The following PTPRT variants were observed in gnomAD, a reference collection of about 807,000 sequenced individuals.
The protein encoded by PTPRT is receptor-type tyrosine-protein phosphatase T.
PTPRT carries 56 observed loss-of-function variants against 176.8 expected under a neutral mutation model. The observed-to-expected ratio is 0.32, with a 90% confidence interval of 0.26 to 0.40. The LOEUF (loss-of-function observed/expected upper bound fraction) is 0.40. PTPRT is among the 10% of genes least tolerant of loss of function. The pLI is 1.00. For missense variants in PTPRT, 1,540 were observed against 1,908.2 expected, an observed-to-expected ratio of 0.81 and a Z score of 3.60; for synonymous variants, 783 against 739.0, an observed-to-expected ratio of 1.06 and a Z score of -0.96.
intron 6 of PTPRT, among the ~76,000 whole-genome samples, chr20:42,712,559 A>G (rs2076160567): frequency 1.3e-5 from 2 of 152,224 alleles, no homozygotes; most frequent in South Asian, 4.1e-4. Context: ...ACAGACTATC[A>G]GCGTGACCTT....
At chr20:42,936,476 T>C (rs375042232) in intron 1 of PTPRT, among the ~76,000 whole-genome samples, 22 of 152,106 alleles carry the variant, frequency 1.4e-4, no homozygotes, top group African/African-American at 5.3e-4. Flanking sequence ...TGTAAGGACT[T>C]TGTTTTTTAT....
chr20:43,011,844 G>A (rs1206202073), intron 1 of PTPRT, among the ~76,000 whole-genome samples: 2 of 152,206 alleles, frequency 1.3e-5, no homozygotes, highest in Admixed American at 1.3e-4. Context: ...GCTGCCATGT[G>A]ACTGGAAGAA....
At chr20:42,394,150 CT>C (rs1324191742) in intron 9 of PTPRT, among the ~76,000 whole-genome samples, 3 of 151,670 alleles carry the variant, frequency 2.0e-5, no homozygotes, top group South Asian at 2.1e-4. Context: ...ATATCCATCT[CT>C]CTCCCCGGCC....
At chr20:43,185,863 C>A (rs1375342262) in intron 1 of PTPRT, among the ~76,000 whole-genome samples, 10 of 152,026 alleles carry the variant, frequency 6.6e-5, no homozygotes, top group African/African-American at 2.4e-4. Flanking sequence ...ACCCAGGAGG[C>A]AGAGGTTGCG....
At chr20:42,568,074 A>G (rs530240062) in intron 7 of PTPRT, among the ~76,000 whole-genome samples, 1 of 151,954 alleles carries the variant, frequency 6.6e-6, no homozygotes, top group Non-Finnish European at 1.5e-5. Flanking sequence ...GGTTCAAGCA[A>G]TTCCCTGCCT....
chr20:42,540,372 C>T (rs1326792000), intron 7 of PTPRT, among the ~76,000 whole-genome samples: 1 of 151,886 alleles, frequency 6.6e-6, no homozygotes, highest in Non-Finnish European at 1.5e-5. Context: ...AAAGAAAGTG[C>T]ACCTCCAAGA....
Position 42,308,574 on chromosome 20 carries a change from G to A in PTPRT, c.2139+7149C>T, listed in dbSNP as rs1017937352. Among the ~76,000 whole-genome samples the A allele has an allele frequency of 2.2e-4, 33 of 152,228 alleles. 1 individual carries two copies. Among genetic ancestry groups the A allele is most frequent in the African/African-American group, 7.2e-4 (30 of 41,546 alleles). On this transcript the variant is annotated intron_variant, in intron 12 of 30. Transcript: ENST00000373187. ...CAGCCAAAAGAAAAAAGAACAAATA[G>A]TCCAACTGTAATGCGATAAGATACT...
intron 7 of PTPRT, 64 bp from the exon 8 acceptor site, chr20:42,472,626 T>G (rs922647261): frequency 1.3e-6 from 2 of 1,529,132 alleles, no homozygotes; most frequent in Non-Finnish European, 1.8e-6. Flanking sequence ...GGGGTACATG[T>G]TCTGCTACAA....
intron 7 of PTPRT, among the ~76,000 whole-genome samples, chr20:42,670,033 A>G (rs2075386819): frequency 1.3e-5 from 2 of 152,106 alleles, no homozygotes; most frequent in African/African-American, 4.8e-5. Context: ...ACTCCACAAC[A>G]TGCACACAGC....
intron 9 of PTPRT, among the ~76,000 whole-genome samples, chr20:42,365,090 T>C (rs1251467661): frequency 6.6e-6 from 1 of 152,244 alleles, no homozygotes; most frequent in Non-Finnish European, 1.5e-5. Flanking sequence ...TAATATACTT[T>C]CTTTAACCCA....
intron 27 of PTPRT, among the ~76,000 whole-genome samples, chr20:42,089,757 G>A (rs1188174378): frequency 2.0e-5 from 3 of 152,264 alleles, no homozygotes; most frequent in African/African-American, 7.2e-5. Context: ...GAGCTGCCAG[G>A]GATCATCAGG....
At position 42,648,451 on chromosome 20, in the gene PTPRT, A is replaced by T. The variant is rs139440641; in HGVS notation, c.1153+29415T>A. 3.0e-4 allele frequency among the ~76,000 whole-genome samples: 45 copies of T among 152,262 alleles called. 1 individual carries two copies. The highest frequency in any genetic ancestry group is 1.1e-3 in the African/African-American group (45 of 41,554). On this transcript the variant is annotated intron_variant, in intron 7 of 30. Coordinates refer to ENST00000373187, the MANE Select transcript of PTPRT (RefSeq NM_007050.6). ...AGGAATGTGTTGAATCACTACACAG[A>T]TAATCAGAAGGCAGCTGCTAAGGTT...
intron 2 of PTPRT, among the ~76,000 whole-genome samples, chr20:42,836,609 T>C (rs2078185448): frequency 6.6e-6 from 1 of 152,072 alleles, no homozygotes; most frequent in African/African-American, 2.4e-5. Context: ...AAGTCAGAAA[T>C]GGCAACAAAA....
intron 2 of PTPRT, among the ~76,000 whole-genome samples, chr20:42,852,629 A>G (rs936750402): frequency 6.6e-6 from 1 of 152,036 alleles, no homozygotes; most frequent in African/African-American, 2.4e-5. Flanking sequence ...CATCAGTTTG[A>G]GGATTTTTCT....
chr20:42,538,727 C>T (rs541652834), intron 7 of PTPRT, among the ~76,000 whole-genome samples: 2 of 152,160 alleles, frequency 1.3e-5, no homozygotes, highest in Admixed American at 1.3e-4. Context: ...GTGCATTAGA[C>T]AAAGGCAGGG....
At chr20:42,535,444 C>T (rs1176502286) in intron 7 of PTPRT, among the ~76,000 whole-genome samples, 1 of 152,122 alleles carries the variant, frequency 6.6e-6, no homozygotes, top group Non-Finnish European at 1.5e-5. Flanking sequence ...CTATATAGCA[C>T]ACCTTCCCAT....
rs1454777890 is a variant in PTPRT, at chr20:42,472,294, C to T, written c.1422G>A (p.Glu474=). Residue 474 remains glutamate (E), a synonymous_variant, in exon 8 of 31, where the codon GAG becomes GAA. Coordinates refer to ENST00000373187, the MANE Select transcript of PTPRT (RefSeq NM_007050.6). ...LSNPEGRMES[E]ELVVQTEEDV... ...CTTCCTCAGTCTGCACCACCAGCTC[C>T]TCGCTCTCCATTCGGCCCTCGGGGT... 1.2e-6 allele frequency: 2 copies of T among 1,614,222 alleles called. No homozygotes were observed. The highest frequency in any genetic ancestry group is 1.1e-5 in the South Asian group (1 of 91,090).
At chr20:42,734,922 A>G (rs1159398078) in intron 6 of PTPRT, among the ~76,000 whole-genome samples, 1 of 152,184 alleles carries the variant, frequency 6.6e-6, no homozygotes, top group Non-Finnish European at 1.5e-5. Context: ...ACCAAGCCAC[A>G]TGGCCAAGCT....
chr20:42,177,599 C>T (rs1362757633), intron 16 of PTPRT, among the ~76,000 whole-genome samples: 1 of 152,110 alleles, frequency 6.6e-6, no homozygotes, highest in Non-Finnish European at 1.5e-5. Context: ...ATAGTAGATT[C>T]CAAATGCTAG....
Sources: allele counts gnomAD v4.1 joint callset (sites outside exome capture counted in the v4.1 genomes callset), GRCh38; gene constraint gnomAD v4.1.1; transcripts MANE v1.5; gene names NCBI Gene and HGNC (gene_info 2026-07-23, HGNC 2026-07-21).